The following ROBO2 variants were observed in gnomAD, a reference collection of about 807,000 sequenced individuals.
ROBO2 encodes the protein roundabout homolog 2.
ROBO2 carries 53 observed loss-of-function variants against 160.8 expected under a neutral mutation model. The ratio of observed to expected loss-of-function variants is 0.33; its 90% confidence interval spans 0.26 to 0.41. ROBO2 has a LOEUF of 0.41. Among genes scored for constraint, ROBO2 ranks in the 10% least tolerant of loss-of-function variants. The pLI, the probability that ROBO2 is intolerant of heterozygous loss-of-function variation, is 1.00. For missense variants in ROBO2, 1,577 were observed against 1,722.4 expected (o/e 0.92, Z 1.49); for synonymous variants, 664 against 611.7 (o/e 1.09, Z -1.26).
chr3:76,464,044 C>A (rs1218864354), intron 2 of ROBO2, among the ~76,000 whole-genome samples: 1 of 152,102 alleles, frequency 6.6e-6, no homozygotes, highest in African/African-American at 2.4e-5. Context: ...GAGAAATAGG[C>A]ATTGACAGAA....
intron 12 of ROBO2, among the ~76,000 whole-genome samples, chr3:77,566,860 T>G (rs1411645959): frequency 1.3e-5 from 2 of 152,070 alleles, no homozygotes; most frequent in East Asian, 3.9e-4. Flanking sequence ...CTTTGCAATC[T>G]GCAAAGCATT....
At chr3:76,442,539 T>A (rs2076974692) in intron 2 of ROBO2, among the ~76,000 whole-genome samples, 1 of 152,194 alleles carries the variant, frequency 6.6e-6, no homozygotes, top group South Asian at 2.1e-4. Flanking sequence ...GATGTTACAG[T>A]GGTTCCCCTT....
chr3:77,486,171 C>T (rs2085328941), intron 4 of ROBO2, among the ~76,000 whole-genome samples: 1 of 151,870 alleles, frequency 6.6e-6, no homozygotes, highest in Non-Finnish European at 1.5e-5. Flanking sequence ...TTTCTTTATT[C>T]AGTCCATGAT....
intron 2 of ROBO2, among the ~76,000 whole-genome samples, chr3:76,613,385 C>T (rs1015416069): frequency 6.6e-6 from 1 of 152,058 alleles, no homozygotes; most frequent in African/African-American, 2.4e-5. Flanking sequence ...TAGCTAAATA[C>T]TACTAATTCT....
chr3:76,862,244 G>A (rs545590723), intron 2 of ROBO2, among the ~76,000 whole-genome samples: 2 of 152,136 alleles, frequency 1.3e-5, no homozygotes, highest in Non-Finnish European at 2.9e-5. Flanking sequence ...ACACGTAGCT[G>A]CAGAGAAGGC....
At position 77,326,443 on chromosome 3, in the gene ROBO2, G is replaced by A. The variant is rs147340458; in HGVS notation, c.389-150971G>A. Among the ~76,000 whole-genome samples the A allele has an allele frequency of 5.9e-5, 9 of 152,214 alleles. No homozygotes were observed. The East Asian group carries it at 1.7e-3, about 29-fold the overall frequency. On this transcript the variant is annotated intron_variant, in intron 2 of 25. Coordinates refer to ENST00000461745, the Ensembl canonical transcript of ROBO2. ...GATCTTCAAATATAGCCATTTCTAA[G>A]GAATGCATTTGCTTCTTTCTGAAAA...
intron 1 of ROBO2, among the ~76,000 whole-genome samples, chr3:77,080,101 T>C (rs2068475886): frequency 6.6e-6 from 1 of 152,210 alleles, no homozygotes; most frequent in Admixed American, 6.5e-5. Context: ...TTTTCTTCTC[T>C]TGGCTTTTGT....
chr3:76,760,327 G>C (rs2061232099), intron 2 of ROBO2, among the ~76,000 whole-genome samples: 1 of 151,642 alleles, frequency 6.6e-6, no homozygotes, highest in South Asian at 2.1e-4. Context: ...AATAGTTTCT[G>C]ATTACCTGCT....
chr3:77,011,733 A>T (rs1427592271), intron 2 of ROBO2, among the ~76,000 whole-genome samples: 1 of 151,920 alleles, frequency 6.6e-6, no homozygotes, highest in Admixed American at 6.6e-5. Flanking sequence ...TTTTCTTTAA[A>T]CTTTGCATGA....
At chr3:77,305,638 CCTT>C (rs1560493851) in intron 2 of ROBO2, among the ~76,000 whole-genome samples, 3 of 152,304 alleles carry the variant, frequency 2.0e-5, no homozygotes, top group South Asian at 2.1e-4. Context: ...TGGAAGGAAA[CCTT>C]CTCAGCCTGA....
chr3:77,246,327 A>ATGTGTGTGTGTGTGTG (rs71104664), intron 2 of ROBO2, among the ~76,000 whole-genome samples: 91 of 145,828 alleles, frequency 6.2e-4, no homozygotes, highest in African/African-American at 2.2e-3. Flanking sequence ...GTGTATGTGT[A>ATGTGTGTGTGTGTGTG]TGTGTGTGTG....
At chr3:76,115,233 C>T (rs1451512904) in intron 2 of ROBO2, among the ~76,000 whole-genome samples, 1 of 152,086 alleles carries the variant, frequency 6.6e-6, no homozygotes, top group South Asian at 2.1e-4. Context: ...AGCATTTCTA[C>T]TTCTAATAAA....
intron 2 of ROBO2, among the ~76,000 whole-genome samples, chr3:76,221,492 C>G (rs1703963409): frequency 6.6e-6 from 1 of 151,908 alleles, no homozygotes; most frequent in African/African-American, 2.4e-5. Flanking sequence ...TGATGGTGAG[C>G]AGTGCCACTC....
At chr3:76,952,412 A>G (rs996086341) in intron 2 of ROBO2, among the ~76,000 whole-genome samples, 3 of 151,950 alleles carry the variant, frequency 2.0e-5, no homozygotes, top group Non-Finnish European at 2.9e-5. Context: ...CCTCCCAAGT[A>G]GCTGGGATTA....
intron 12 of ROBO2, among the ~76,000 whole-genome samples, chr3:77,567,508 G>A (rs1050151390): frequency 1.3e-5 from 2 of 151,858 alleles, no homozygotes; most frequent in African/African-American, 4.8e-5. Flanking sequence ...AAATAGAATA[G>A]TACTTAGGAG....
chr3:76,059,870 C>G (rs1047570178), intron 2 of ROBO2, among the ~76,000 whole-genome samples: 1 of 152,170 alleles, frequency 6.6e-6, no homozygotes, highest in Non-Finnish European at 1.5e-5. Flanking sequence ...CTACATATGG[C>G]TAGCCAGTTT....
At chr3:76,849,105 T>C (rs897893708) in intron 2 of ROBO2, among the ~76,000 whole-genome samples, 1 of 152,238 alleles carries the variant, frequency 6.6e-6, no homozygotes, top group East Asian at 1.9e-4. Flanking sequence ...TTGAAAAAGA[T>C]ATTTACTGTT....
chr3:76,028,301 A>G (rs1430657670), intron 2 of ROBO2, among the ~76,000 whole-genome samples: 1 of 151,956 alleles, frequency 6.6e-6, no homozygotes, highest in Non-Finnish European at 1.5e-5. Flanking sequence ...TCTTCCATGA[A>G]AAATCATAGG....
intron 2 of ROBO2, among the ~76,000 whole-genome samples, chr3:75,969,204 A>G (rs1021705964): frequency 6.7e-6 from 1 of 149,910 alleles, no homozygotes; most frequent in Admixed American, 6.7e-5. Context: ...TATTATAACT[A>G]TACATCATAG....
Sources: gnomAD v4.1 joint callset for allele counts (sites outside exome capture counted in the v4.1 genomes callset) on GRCh38, gnomAD v4.1.1 for gene constraint, MANE v1.5 for transcripts, NCBI Gene and HGNC (gene_info 2026-07-23, HGNC 2026-07-21) for gene names.